RAB18: variants seen among roughly 807,000 people sequenced by gnomAD.
The protein encoded by RAB18 is RAB18, member RAS oncogene family.
RAB18 carries 10 observed loss-of-function variants against 28.5 expected under a neutral mutation model. The observed-to-expected ratio is 0.35, with a 90% confidence interval of 0.22 to 0.60. RAB18 has a LOEUF of 0.60. Ranked by LOEUF, RAB18 falls within the 20% of genes least tolerant of loss-of-function variation. The pLI is 0.78. For synonymous variants in RAB18, 93 were observed against 86.9 expected (o/e 1.07, Z -0.39); for missense variants, 188 against 244.2 (o/e 0.77, Z 1.53).
chr10:27,523,698 G>A (rs545837637), intron 2 of RAB18, among the ~76,000 whole-genome samples: 1 of 146,186 alleles, frequency 6.8e-6, no homozygotes, highest in Non-Finnish European at 1.5e-5. Flanking sequence ...TTTCAGCCTC[G>A]ACCTTTCAGG....
Position 27,504,400 on chromosome 10 carries a change from A to T in RAB18, c.31A>T (p.Ile11Phe). Residue 11 changes from isoleucine (I) to phenylalanine (F), a missense_variant, in exon 1 of 7, where the codon ATC becomes TTC. Transcript: ENST00000356940. The stretch of plus-strand genomic sequence containing the variant: ...CGAGGACGTGCTAACCACCCTGAAG[A>T]TCCTCATCATCGGCGAGAGTGGGGT... MDEDVLTTLK[I>F]LIIGESGVGK... 2 of 1,574,996 alleles carry T rather than the reference A, an allele frequency of 1.3e-6. No homozygotes were observed. Among genetic ancestry groups the T allele is most frequent in the Non-Finnish European group, 1.7e-6 (2 of 1,160,376 alleles).
chr10:27,508,858 T>C (rs1834262921), intron 1 of RAB18, among the ~76,000 whole-genome samples: 1 of 152,198 alleles, frequency 6.6e-6, no homozygotes, highest in South Asian at 2.1e-4. Context: ...TTCTATAATT[T>C]AGATATCTGA....
chr10:27,520,791 C>T (rs923518047), intron 2 of RAB18, among the ~76,000 whole-genome samples: 2 of 151,194 alleles, frequency 1.3e-5, no homozygotes, highest in Non-Finnish European at 3.0e-5. Context: ...GTGGCGGGCA[C>T]CTGTAATCCC....
At chr10:27,510,053 T>C in intron 2 of RAB18, 123 bp downstream of exon 2, 1 of 775,610 alleles carries the variant, frequency 1.3e-6, no homozygotes, top group Admixed American at 2.0e-5. Flanking sequence ...TGAAATCTTA[T>C]TTGTCCTTCA....
intron 2 of RAB18, among the ~76,000 whole-genome samples, chr10:27,523,038 C>G (rs1251481820): frequency 6.6e-6 from 1 of 151,784 alleles, no homozygotes; most frequent in Non-Finnish European, 1.5e-5. Flanking sequence ...TCTACTTCTT[C>G]GGATTTAATT....
At chr10:27,530,994 T>C (rs1834776426) in intron 3 of RAB18, among the ~76,000 whole-genome samples, 1 of 152,076 alleles carries the variant, frequency 6.6e-6, no homozygotes. Context: ...TTTATATTAT[T>C]GTTCTTGAAA....
intron 6 of RAB18, among the ~76,000 whole-genome samples, chr10:27,536,569 A>C (rs1027863180): frequency 6.6e-6 from 1 of 152,118 alleles, no homozygotes; most frequent in Non-Finnish European, 1.5e-5. Context: ...AAATGGCAGA[A>C]GATTGAACCC....
At chr10:27,521,760 T>C (rs1284347173) in intron 2 of RAB18, among the ~76,000 whole-genome samples, 2 of 152,066 alleles carry the variant, frequency 1.3e-5, no homozygotes, top group East Asian at 1.9e-4. Context: ...CACTGCCCGG[T>C]TGATGGGTGC....
intron 6 of RAB18, 53 bp downstream of exon 6, chr10:27,534,047 A>G: frequency 6.6e-7 from 1 of 1,505,524 alleles, no homozygotes; most frequent in Admixed American, 1.7e-5. Context: ...GAATTTTTGA[A>G]TGGAGTTTTT....
intron 2 of RAB18, among the ~76,000 whole-genome samples, chr10:27,520,274 T>C (rs1834519572): frequency 6.6e-6 from 1 of 152,200 alleles, no homozygotes; most frequent in African/African-American, 2.4e-5. Context: ...GACATAACGG[T>C]TGTTCATAGT....
intron 2 of RAB18, among the ~76,000 whole-genome samples, chr10:27,523,854 C>T (rs987380989): frequency 5.3e-5 from 8 of 151,796 alleles, no homozygotes; most frequent in Non-Finnish European, 8.8e-5. Flanking sequence ...CCGAGGCGGG[C>T]GGATCACGAG....
intron 2 of RAB18, among the ~76,000 whole-genome samples, chr10:27,511,971 T>G (rs1834333750): frequency 6.6e-6 from 1 of 152,078 alleles, no homozygotes; most frequent in Admixed American, 6.5e-5. Context: ...TTTCTTTTTT[T>G]GTGAGGCAGT....
At chr10:27,512,317 T>C (rs1834340710) in intron 2 of RAB18, among the ~76,000 whole-genome samples, 1 of 151,924 alleles carries the variant, frequency 6.6e-6, no homozygotes, top group Non-Finnish European at 1.5e-5. Flanking sequence ...ATTTTATTTA[T>C]TTATTTTTAG....
chr10:27,506,302 T>A (rs1209972697), intron 1 of RAB18, among the ~76,000 whole-genome samples: 2 of 152,044 alleles, frequency 1.3e-5, no homozygotes, highest in Admixed American at 1.3e-4. Context: ...AACTGGAGTA[T>A]ATAAACAAAA....
chr10:27,525,874 G>T (rs949866845), intron 2 of RAB18, among the ~76,000 whole-genome samples: 1 of 152,178 alleles, frequency 6.6e-6, no homozygotes, highest in Admixed American at 6.5e-5. Flanking sequence ...GTATGTGAGG[G>T]TGCTGTTCAT....
intron 1 of RAB18, 114 bp downstream of exon 1, chr10:27,504,551 C>G (rs144227856): frequency 1.6e-6 from 2 of 1,249,350 alleles, no homozygotes; most frequent in Non-Finnish European, 2.3e-6. Context: ...CTCGGGCCGG[C>G]TCCGCTCGCG....
At chr10:27,537,746 G>A (rs1834929286) in intron 6 of RAB18, 130 bp from the exon 7 acceptor site, 2 of 737,042 alleles carry the variant, frequency 2.7e-6, no homozygotes, top group Admixed American at 5.7e-5. Context: ...TTGACCTTTG[G>A]GGAAAAATTG....
Position 27,535,955 on chromosome 10 carries a change from T to C in RAB18, c.446-1921T>C, listed in dbSNP as rs558962122. Reference sequence around the variant, plus strand: ...AAAATTCACCGGGCGTGGTGGCGGGTGCCTGTAGTCCCAGCTACTTGGGAG... The same window carrying C: ...AAAATTCACCGGGCGTGGTGGCGGGCGCCTGTAGTCCCAGCTACTTGGGAG... On this transcript the variant is annotated intron_variant, in intron 6 of 6. Coordinates refer to ENST00000356940, the MANE Select transcript of RAB18 (RefSeq NM_021252.5). 3.1e-3 allele frequency among the ~76,000 whole-genome samples: 466 copies of C among 151,950 alleles called. 3 individuals are homozygous for C. Among genetic ancestry groups the C allele is most frequent in the African/African-American group, 8.8e-3 (364 of 41,462 alleles).
chr10:27,506,547 C>G (rs546894884), intron 1 of RAB18, among the ~76,000 whole-genome samples: 1 of 152,010 alleles, frequency 6.6e-6, no homozygotes, highest in Non-Finnish European at 1.5e-5. Flanking sequence ...GTCTCGAACT[C>G]CTGAGCTCAA....
Sources: allele counts gnomAD v4.1 joint callset (sites outside exome capture counted in the v4.1 genomes callset), GRCh38; gene constraint gnomAD v4.1.1; transcripts MANE v1.5; gene names NCBI Gene and HGNC (gene_info 2026-07-23, HGNC 2026-07-21).